The following PTPRA variants were observed in gnomAD, a reference collection of about 807,000 sequenced individuals.
PTPRA encodes protein tyrosine phosphatase receptor type A.
In PTPRA, 25 loss-of-function variants were observed where a neutral mutation model predicts 104.8. That is an observed-to-expected ratio of 0.24 (90% CI 0.17 to 0.33). PTPRA has a LOEUF of 0.33. PTPRA is among the 10% of genes least tolerant of loss of function. The pLI is 1.00. For missense variants in PTPRA, 765 were observed against 1,015.3 expected, an observed-to-expected ratio of 0.75 and a Z score of 3.35; for synonymous variants, 323 against 368.9, an observed-to-expected ratio of 0.88 and a Z score of 1.43.
At chr20:3,016,490 G>C (rs1216675893) in intron 12 of PTPRA, among the ~76,000 whole-genome samples, 1 of 152,242 alleles carries the variant, frequency 6.6e-6, no homozygotes, top group Non-Finnish European at 1.5e-5. Flanking sequence ...GCTCATGCCT[G>C]TAATCCTAAC....
At chr20:2,931,880 G>A (rs1230102170) in intron 2 of PTPRA, among the ~76,000 whole-genome samples, 1 of 152,124 alleles carries the variant, frequency 6.6e-6, no homozygotes, top group African/African-American at 2.4e-5. Flanking sequence ...CAATGGCCCT[G>A]GCTTTTTAAA....
At chr20:2,942,015 T>G (rs892544946) in intron 2 of PTPRA, among the ~76,000 whole-genome samples, 3 of 152,198 alleles carry the variant, frequency 2.0e-5, no homozygotes, top group Non-Finnish European at 4.4e-5. Flanking sequence ...TTCATGAAGA[T>G]AGGGATTCTG....
At chr20:2,953,264 T>A (rs1378215456) in intron 3 of PTPRA, among the ~76,000 whole-genome samples, 4 of 151,192 alleles carry the variant, frequency 2.6e-5, no homozygotes, top group African/African-American at 9.7e-5. Context: ...ATTTATTTAT[T>A]TTTTTTTTGA....
chr20:3,038,206 C>A lies in PTPRA; in HGVS notation c.*73C>A. The A allele has an allele frequency of 7.2e-7, 1 of 1,392,154 alleles. No homozygotes were observed. Among genetic ancestry groups the A allele is most frequent in the Non-Finnish European group, 1.0e-6 (1 of 983,776 alleles). The allele number at this position is 1,392,154 out of a possible 1,614,324, so 86.2% of individuals were successfully genotyped here. On this transcript the variant is annotated 3_prime_UTR_variant, in exon 24 of 24. Coordinates refer to ENST00000399903, the MANE Select transcript of PTPRA (RefSeq NM_001385305.1). ...TAATATTCTGTTTTGTTAATATACC[C>A]CAAATTGTGTATATATCTTATAACT...
At chr20:2,898,093 GTTTTTATTT>G (rs371803855) in intron 1 of PTPRA, among the ~76,000 whole-genome samples, 42 of 149,356 alleles carry the variant, frequency 2.8e-4, no homozygotes, top group African/African-American at 1.0e-3. Context: ...TTCTATTTTT[GTTTTTATTT>G]TTTTTATTTT....
At chr20:2,973,674 T>A (rs2062291077) in intron 5 of PTPRA, among the ~76,000 whole-genome samples, 1 of 152,190 alleles carries the variant, frequency 6.6e-6, no homozygotes, top group South Asian at 2.1e-4. Flanking sequence ...ATAGGGGCCA[T>A]TTCTCTTCCA....
intron 1 of PTPRA, among the ~76,000 whole-genome samples, chr20:2,882,221 G>T: frequency 6.6e-6 from 1 of 151,942 alleles, no homozygotes; most frequent in Non-Finnish European, 1.5e-5. Flanking sequence ...TTGGTATACG[G>T]TTATAAAAGT....
intron 9 of PTPRA, among the ~76,000 whole-genome samples, 184 bp downstream of exon 9, chr20:2,988,658 T>A (rs983468647): frequency 7.2e-5 from 11 of 152,236 alleles, no homozygotes; most frequent in African/African-American, 2.7e-4. Context: ...GAGATTTGCC[T>A]CACCTCCCTA....
chr20:2,905,035 C>T (rs1242679781), intron 1 of PTPRA, among the ~76,000 whole-genome samples: 2 of 152,194 alleles, frequency 1.3e-5, no homozygotes, highest in Non-Finnish European at 2.9e-5. Flanking sequence ...GGGAACATTA[C>T]ACCTGAGCTC....
At chr20:2,890,729 A>G (rs1301268399) in intron 1 of PTPRA, among the ~76,000 whole-genome samples, 3 of 152,204 alleles carry the variant, frequency 2.0e-5, no homozygotes, top group Non-Finnish European at 4.4e-5. Flanking sequence ...TCCCTGAGTT[A>G]TGTGACACAT....
intron 1 of PTPRA, among the ~76,000 whole-genome samples, chr20:2,882,380 C>G (rs2090107346): frequency 6.6e-6 from 1 of 151,160 alleles, no homozygotes; most frequent in Admixed American, 6.6e-5. Flanking sequence ...GCATTGACCT[C>G]CCAGTCTCAA....
At chr20:2,886,683 TA>T (rs34430434) in intron 1 of PTPRA, among the ~76,000 whole-genome samples, 268 of 135,888 alleles carry the variant, frequency 2.0e-3, no homozygotes, top group Admixed American at 2.1e-3. Flanking sequence ...CCGTCTCTAC[TA>T]AAAAAAAAAA....
At chr20:3,036,195 G>T (rs2065791418) in intron 22 of PTPRA, among the ~76,000 whole-genome samples, 1 of 152,162 alleles carries the variant, frequency 6.6e-6, no homozygotes. Flanking sequence ...GACTGGCAGT[G>T]GAGACCCCGG....
Position 3,035,675 on chromosome 20 carries a change from T to C in PTPRA, c.2011T>C (p.Tyr671His), listed in dbSNP as rs1283076306. The change falls in exon 21 of 24, where the codon TAC (tyrosine) becomes CAC (histidine). Residue 671 changes from tyrosine (Y) to histidine (H), a missense_variant. Around this residue, in one of 4 missense-constraint regions of PTPRA, gnomAD observed 192 missense variants for 227.0 expected, o/e 0.85. Coordinates refer to ENST00000399903, the MANE Select transcript of PTPRA (RefSeq NM_001385305.1). The surrounding 1 kb of genome is among the most constrained non-coding windows in gnomAD (Gnocchi z 5.8). The part of the protein sequence containing the change: ...ELKKEEECES[Y>H]TVRDLLVTNT... ...GAAGAAGGAGGAGGAATGTGAGAGC[T>C]ACACCGTCCGAGACCTCCTGGTCAC... 1 of 1,614,104 alleles carries C rather than the reference T, an allele frequency of 6.2e-7. No individual in the cohort carries two copies. Among genetic ancestry groups the C allele is most frequent in the Non-Finnish European group, 8.5e-7 (1 of 1,180,040 alleles).
At chr20:2,965,877 C>G (rs1331888475) in intron 5 of PTPRA, among the ~76,000 whole-genome samples, 3 of 152,156 alleles carry the variant, frequency 2.0e-5, no homozygotes, top group Non-Finnish European at 4.4e-5. Flanking sequence ...TTTCTGACCT[C>G]TTTGAACCTT....
At chr20:2,905,484 C>T (rs2059390979) in intron 1 of PTPRA, among the ~76,000 whole-genome samples, 1 of 151,752 alleles carries the variant, frequency 6.6e-6, no homozygotes, top group Non-Finnish European at 1.5e-5. Context: ...ATGCCAGTTA[C>T]ATTTAGTACT....
At chr20:2,910,737 G>T (rs1437101355) in intron 1 of PTPRA, among the ~76,000 whole-genome samples, 8 of 148,906 alleles carry the variant, frequency 5.4e-5, no homozygotes, top group Non-Finnish European at 1.0e-4. Context: ...CTCCCAAGTA[G>T]CTGGGACTAC....
chr20:3,021,670 G>C (rs2064877151), intron 14 of PTPRA, among the ~76,000 whole-genome samples: 1 of 152,224 alleles, frequency 6.6e-6, no homozygotes, highest in African/African-American at 2.4e-5. Flanking sequence ...CAAGCACTGT[G>C]GAAAGGGAGC....
chr20:2,865,508 C>T, the PTPRA span: 1 of 1,610,892 alleles, frequency 6.2e-7, no homozygotes, highest in Non-Finnish European at 8.5e-7. The surrounding 1 kb of genome is among the most constrained non-coding windows in gnomAD (Gnocchi z 5.2). Context: ...GAGGCAGGGT[C>T]CTCCCTCCAG....
Sources: allele counts gnomAD v4.1 joint callset (sites outside exome capture counted in the v4.1 genomes callset), GRCh38; gene constraint gnomAD v4.1.1; regional missense constraint gnomAD v4.1.1; non-coding constraint Gnocchi (gnomAD v3.1); transcripts MANE v1.5; gene names NCBI Gene and HGNC (gene_info 2026-07-23, HGNC 2026-07-21).